THSD7A: variants seen among roughly 807,000 people sequenced by gnomAD.
The protein encoded by THSD7A is thrombospondin type-1 domain-containing protein 7A.
Under a neutral mutation model 231.3 loss-of-function variants are expected in THSD7A, and 96 were observed. That is an observed-to-expected ratio of 0.41 (90% CI 0.35 to 0.49). The LOEUF is 0.49. Among genes scored for constraint, THSD7A ranks in the 20% least tolerant of loss-of-function variants. The probability of loss-of-function intolerance (pLI) is 0.05; values close to 1 mark genes in which losing one functional copy is unlikely to be tolerated. For synonymous variants in THSD7A, 940 were observed against 743.3 expected (o/e 1.26, Z -4.30); for missense variants, 2,290 against 2,070.2 (o/e 1.11, Z -2.06).
Position 11,454,546 on chromosome 7 carries a change from G to C in THSD7A, c.2605+6116C>G, listed in dbSNP as rs146454390. On this transcript the variant is annotated intron_variant, in intron 11 of 27. Transcript: ENST00000423059. ...TTAAATGCTGTGTCTCTTTCACTAT[G>C]CCGTATCAGTGGTTATCTCTTTTTT... Among the ~76,000 whole-genome samples, 895 of 150,066 alleles carry C rather than the reference G, an allele frequency of 6.0e-3. 2 individuals carry two copies. The highest frequency in any genetic ancestry group is 9.8e-3 in the Non-Finnish European group (663 of 67,750).
intron 23 of THSD7A, among the ~76,000 whole-genome samples, chr7:11,399,026 C>G (rs1276739002): frequency 6.6e-6 from 1 of 152,282 alleles, no homozygotes; most frequent in South Asian, 2.1e-4. Context: ...AGGTCTATTA[C>G]CAAAGTCATG....
rs1016695974 is a variant in THSD7A at position 11,632,042 on chromosome 7, G to A, written c.1022+4088C>T. 3.4e-4 allele frequency among the ~76,000 whole-genome samples: 52 copies of A among 152,074 alleles called. No homozygotes were observed. Among genetic ancestry groups the A allele is most frequent in the Non-Finnish European group, 5.9e-5 (4 of 68,026 alleles). ...ATAAAATTTCTGTAAATGATGAGTG[G>A]CTGTGCCTAATCTGTTTGTATAAAT... On this transcript the variant is annotated intron_variant, in intron 2 of 27. Transcript: ENST00000423059. The surrounding 1 kb of genome is among the most constrained non-coding windows in gnomAD (Gnocchi z 4.1).
At chr7:11,767,637 A>G (rs1214565151) in intron 1 of THSD7A, among the ~76,000 whole-genome samples, 14 of 152,172 alleles carry the variant, frequency 9.2e-5, no homozygotes, top group Admixed American at 9.2e-4. Flanking sequence ...ATCACCCCAA[A>G]GTAAGTTCCA....
intron 4 of THSD7A, among the ~76,000 whole-genome samples, chr7:11,544,568 T>C (rs917459217): frequency 1.3e-5 from 2 of 152,164 alleles, no homozygotes; most frequent in African/African-American, 2.4e-5. Flanking sequence ...AACTACATTT[T>C]CCTAACTTTT....
chr7:11,726,200 C>T (rs948454443), intron 1 of THSD7A, among the ~76,000 whole-genome samples: 1 of 151,930 alleles, frequency 6.6e-6, no homozygotes, highest in Admixed American at 6.6e-5. Context: ...ATGATACAGT[C>T]GATTTTGGCA....
At chr7:11,633,258 C>T (rs1229654675) in intron 2 of THSD7A, among the ~76,000 whole-genome samples, 2 of 152,138 alleles carry the variant, frequency 1.3e-5, no homozygotes, top group African/African-American at 4.8e-5. Flanking sequence ...AAGATTTCAC[C>T]CAGCCTGGCT....
intron 1 of THSD7A, among the ~76,000 whole-genome samples, chr7:11,823,107 TC>T: frequency 6.6e-6 from 1 of 152,174 alleles, no homozygotes; most frequent in Non-Finnish European, 1.5e-5. Flanking sequence ...AAGATGTTAA[TC>T]CCTCTTGGGT....
intron 1 of THSD7A, among the ~76,000 whole-genome samples, chr7:11,675,098 T>A (rs542488276): frequency 1.3e-5 from 2 of 152,060 alleles, no homozygotes; most frequent in East Asian, 3.9e-4. Flanking sequence ...GGTTAGAAAG[T>A]GGGTGCAGCC....
chr7:11,646,575 A>G (rs1354659160), intron 1 of THSD7A, among the ~76,000 whole-genome samples: 1 of 152,022 alleles, frequency 6.6e-6, no homozygotes, highest in South Asian at 2.1e-4. Flanking sequence ...TGAAATGGAC[A>G]AAACTTTTTA....
At chr7:11,452,721 T>C (rs1208225073) in intron 11 of THSD7A, among the ~76,000 whole-genome samples, 1 of 151,996 alleles carries the variant, frequency 6.6e-6, no homozygotes, top group Non-Finnish European at 1.5e-5. Flanking sequence ...TATGAGCTAC[T>C]ATTTAAAAAA....
intron 1 of THSD7A, among the ~76,000 whole-genome samples, chr7:11,739,521 C>G (rs376477984): frequency 9.9e-5 from 15 of 151,940 alleles, no homozygotes; most frequent in Middle Eastern, 3.4e-3. Context: ...AGATGAGTAC[C>G]ATTCACTATC....
intron 8 of THSD7A, among the ~76,000 whole-genome samples, chr7:11,473,602 AG>A (rs1439470081): frequency 6.6e-6 from 1 of 152,128 alleles, no homozygotes; most frequent in Non-Finnish European, 1.5e-5. Flanking sequence ...TTTTTAGAGT[AG>A]ATTTATTAAT....
At chr7:11,795,980 C>T (rs953437867) in intron 1 of THSD7A, among the ~76,000 whole-genome samples, 1 of 145,764 alleles carries the variant, frequency 6.9e-6, no homozygotes, top group Non-Finnish European at 1.5e-5. Context: ...AAGCTGTTTC[C>T]TGTAACTGTG....
chr7:11,799,293 T>G (rs1464709384), intron 1 of THSD7A, among the ~76,000 whole-genome samples: 2 of 152,168 alleles, frequency 1.3e-5, no homozygotes, highest in Non-Finnish European at 2.9e-5. Flanking sequence ...AGTAAAAGCA[T>G]ACGGATTGGC....
intron 4 of THSD7A, among the ~76,000 whole-genome samples, chr7:11,555,870 A>G (rs1261119621): frequency 1.3e-5 from 2 of 151,638 alleles, no homozygotes; most frequent in African/African-American, 2.4e-5. Flanking sequence ...TTTGATGCCT[A>G]ATTTATTCGA....
chr7:11,484,874 A>ATTTCTTTTTT (rs1786585244), intron 6 of THSD7A, among the ~76,000 whole-genome samples: 1 of 53,796 alleles, frequency 1.9e-5, no homozygotes, highest in Non-Finnish European at 3.1e-5. Flanking sequence ...CACAACCTTA[A>ATTTCTTTTTT]TTTTTTTTTT....
At chr7:11,624,248 T>C (rs1781409217) in intron 2 of THSD7A, among the ~76,000 whole-genome samples, 1 of 152,082 alleles carries the variant, frequency 6.6e-6, no homozygotes, top group South Asian at 2.1e-4. Context: ...ACCTTACTTG[T>C]GGCTGTCCAA....
chr7:11,602,832 T>C (rs978200160), intron 2 of THSD7A, among the ~76,000 whole-genome samples: 24 of 151,372 alleles, frequency 1.6e-4, no homozygotes, highest in African/African-American at 3.4e-4. Flanking sequence ...CAATACAAGA[T>C]TGAAGATAAG....
chr7:11,554,661 T>G (rs1789771317), intron 4 of THSD7A, among the ~76,000 whole-genome samples: 1 of 152,006 alleles, frequency 6.6e-6, no homozygotes, highest in Non-Finnish European at 1.5e-5. Flanking sequence ...ATTTTAATTA[T>G]TTTTATATAT....
Sources: allele counts gnomAD v4.1 joint callset (sites outside exome capture counted in the v4.1 genomes callset), GRCh38; gene constraint gnomAD v4.1.1; non-coding constraint Gnocchi (gnomAD v3.1); transcripts MANE v1.5; gene names NCBI Gene and HGNC (gene_info 2026-07-23, HGNC 2026-07-21).